The following C2CD3 variants were observed in gnomAD, a reference collection of about 807,000 sequenced individuals.
The protein encoded by C2CD3 is C2 domain containing 3 centriole elongation regulator, also known as C2 domain-containing protein 3.
Under a neutral mutation model 234.0 loss-of-function variants are expected in C2CD3, and 148 were observed. That is an observed-to-expected ratio of 0.63 (90% CI 0.55 to 0.72). The LOEUF (loss-of-function observed/expected upper bound fraction) is 0.72, where lower values mean the gene tolerates loss of function less well. C2CD3 is among the 30% of genes least tolerant of loss of function. C2CD3 has a pLI of 0.00. For missense variants in C2CD3, 2,577 were observed against 2,811.5 expected (o/e 0.92, Z 1.89); for synonymous variants, 1,000 against 1,035.4 (o/e 0.97, Z 0.66).
At chr11:74,098,878 T>C (rs558351848) in intron 15 of C2CD3, among the ~76,000 whole-genome samples, 1 of 152,352 alleles carries the variant, frequency 6.6e-6, no homozygotes, top group African/African-American at 2.4e-5. Flanking sequence ...ATTTGCTGTG[T>C]GACTCAAGCA....
intron 24 of C2CD3, among the ~76,000 whole-genome samples, chr11:74,073,169 G>A (rs1177564126): frequency 2.6e-5 from 4 of 152,146 alleles, no homozygotes; most frequent in African/African-American, 7.2e-5. Context: ...TCTTTAAAAT[G>A]CATAATGTAA....
intron 9 of C2CD3, 36 bp from the exon 10 acceptor site, chr11:74,114,629 C>T: frequency 7.7e-7 from 1 of 1,301,778 alleles, no homozygotes; most frequent in Non-Finnish European, 1.1e-6. Flanking sequence ...AGGCATACTG[C>T]TACAGGCTTC....
chr11:74,059,437 A>G (rs1954119920), intron 24 of C2CD3, among the ~76,000 whole-genome samples: 1 of 149,732 alleles, frequency 6.7e-6, no homozygotes, highest in African/African-American at 2.5e-5. Context: ...AAAAAAAAAG[A>G]AAGATTTCTC....
rs766984134 is a variant in C2CD3, at chr11:74,098,182, T to C, written c.2806A>G (p.Ile936Val). 6.2e-7 allele frequency: 1 copy of C among 1,614,044 alleles called. No individual in the cohort carries two copies. The highest frequency in any genetic ancestry group is 1.7e-5 in the Admixed American group (1 of 60,012). ...VVAVDSYMPV[I>V]DVFSGHQNGS... ...TTTTGGTGGCCTGAAAACACATCAA[T>C]CACAGGCATGTAGCTGTCGACAGCA... Residue 936 changes from isoleucine to valine, a missense_variant, in exon 16 of 33, where the codon ATT becomes GTT. Ile to Val is a conservative substitution (Grantham distance 29, BLOSUM62 3). Coordinates refer to ENST00000334126, the MANE Select transcript of C2CD3 (RefSeq NM_001286577.2).
intron 3 of C2CD3, among the ~76,000 whole-genome samples, chr11:74,159,244 CTA>C (rs560228368): frequency 2.6e-5 from 4 of 152,158 alleles, no homozygotes; most frequent in Non-Finnish European, 4.4e-5. Flanking sequence ...TAATAAACAA[CTA>C]TGTTACTGGT....
chr11:74,047,661 T>C (rs963171316), intron 28 of C2CD3, among the ~76,000 whole-genome samples: 1 of 152,190 alleles, frequency 6.6e-6, no homozygotes, highest in Non-Finnish European at 1.5e-5. Flanking sequence ...TTCCCTGAGC[T>C]GAAGAGAAAG....
intron 22 of C2CD3, among the ~76,000 whole-genome samples, chr11:74,081,275 T>C (rs1955345421): frequency 6.6e-6 from 1 of 152,190 alleles, no homozygotes; most frequent in Non-Finnish European, 1.5e-5. Flanking sequence ...GGTCACCCAG[T>C]TACTAGTTAA....
At chr11:74,157,064 C>A (rs1195998948) in intron 3 of C2CD3, among the ~76,000 whole-genome samples, 1 of 152,170 alleles carries the variant, frequency 6.6e-6, no homozygotes, top group South Asian at 2.1e-4. Flanking sequence ...CGATCATATG[C>A]ACATATGCAA....
intron 3 of C2CD3, among the ~76,000 whole-genome samples, chr11:74,143,844 T>C (rs1006006103): frequency 6.6e-6 from 1 of 152,162 alleles, no homozygotes; most frequent in African/African-American, 2.4e-5. Flanking sequence ...GCCAGTAAAG[T>C]GATCTGGGCC....
intron 28 of C2CD3, among the ~76,000 whole-genome samples, chr11:74,047,359 G>A (rs546681572): frequency 2.0e-5 from 3 of 152,320 alleles, no homozygotes; most frequent in Admixed American, 2.0e-4. Context: ...GGGCATTAGA[G>A]ATATCCTCAT....
At position 74,103,400 on chromosome 11, in the gene C2CD3, G is replaced by A; in HGVS notation, c.2311C>T (p.Pro771Ser). 6.2e-7 allele frequency: 1 copy of A among 1,614,206 alleles called. No individual in the cohort carries two copies. ...GAAGGATGTGGTGCTACAGGGCTTG[G>A]TGACTTTCGGTTGGGGAGCACCAAG... ...QNLVLPNRKS[P>S]SPVAPHPSTF... is the part of the protein sequence containing the mutation. Residue 771 changes from proline (P) to serine (S), a missense_variant, in exon 14 of 33, where the codon CCA becomes TCA. Transcript: ENST00000334126.
At chr11:74,143,993 T>G (rs1854985719) in intron 3 of C2CD3, among the ~76,000 whole-genome samples, 1 of 152,204 alleles carries the variant, frequency 6.6e-6, no homozygotes, top group African/African-American at 2.4e-5. Context: ...TTCATCTAAG[T>G]TGTCAAATTA....
chr11:74,072,721 T>TG (rs1459187270), intron 24 of C2CD3, among the ~76,000 whole-genome samples: 1 of 151,904 alleles, frequency 6.6e-6, no homozygotes, highest in African/African-American at 2.4e-5. Context: ...CTGTCCTTTT[T>TG]TTTTACTGTT....
chr11:74,100,404 C>T (rs1956268456), intron 15 of C2CD3, 121 bp downstream of exon 15: 1 of 891,528 alleles, frequency 1.1e-6, no homozygotes, highest in Non-Finnish European at 1.7e-6. Context: ...TCTGTTGAAA[C>T]TGGAAAAAGT....
chr11:74,026,708 G>A (rs1442260334), intron 32 of C2CD3, among the ~76,000 whole-genome samples: 4 of 152,110 alleles, frequency 2.6e-5, no homozygotes, highest in Non-Finnish European at 4.4e-5. Context: ...AGTGGCTCAC[G>A]CCTGTAATCC....
In C2CD3 at chr11:74,074,459, G is replaced by A. The variant is rs773350152; in HGVS notation, c.4745C>T (p.Ser1582Phe). 6.2e-7 allele frequency: 1 copy of A among 1,614,206 alleles called. No individual in the cohort carries two copies. The highest frequency in any genetic ancestry group is 2.2e-5 in the East Asian group (1 of 44,870). Residue 1582 changes from serine to phenylalanine, a missense_variant, in exon 24 of 33, where the codon TCT becomes TTT. Transcript: ENST00000334126. ...DSMDCSSHSE[S>F]EQLPRRNDEV... is the part of the protein sequence containing the mutation. ...ATCATTCCTTCTGGGGAGCTGCTCA[G>A]ACTCACTGTGGCTGCTGCAGTCCAT... is the stretch of plus-strand genomic sequence containing the variant.
intron 24 of C2CD3, among the ~76,000 whole-genome samples, chr11:74,072,531 A>G (rs1954845967): frequency 6.6e-6 from 1 of 152,240 alleles, no homozygotes; most frequent in Admixed American, 6.5e-5. Flanking sequence ...ACTGGCTCTC[A>G]TAGACACCAC....
chr11:74,058,662 G>A (rs1432992645), intron 24 of C2CD3, among the ~76,000 whole-genome samples: 1 of 152,008 alleles, frequency 6.6e-6, no homozygotes, highest in Non-Finnish European at 1.5e-5. Context: ...CTGGGTGCTG[G>A]TGAGAATACC....
intron 29 of C2CD3, 35 bp downstream of exon 29, chr11:74,042,019 A>C: frequency 6.2e-7 from 1 of 1,608,022 alleles, no homozygotes; most frequent in South Asian, 1.1e-5. Flanking sequence ...GTGCCCCACT[A>C]TGGTTTCCTG....
Sources: gnomAD v4.1 joint callset for allele counts (sites outside exome capture counted in the v4.1 genomes callset) on GRCh38, gnomAD v4.1.1 for gene constraint, MANE v1.5 for transcripts, NCBI Gene and HGNC (gene_info 2026-07-23, HGNC 2026-07-21) for gene names.